Variants in OGDH observed in about 807,000 individuals in gnomAD.
OGDH encodes the protein 2-oxoglutarate dehydrogenase complex component E1.
Under a neutral mutation model 116.6 loss-of-function variants are expected in OGDH, and 38 were observed. The observed-to-expected ratio is 0.33, with a 90% CI of 0.25 to 0.43. The LOEUF is 0.43. OGDH is among the 20% of genes least tolerant of loss of function. The pLI is 1.00. For synonymous variants in OGDH, 488 were observed against 533.3 expected (o/e 0.92, Z 1.17); for missense variants, 825 against 1,357.2 (o/e 0.61, Z 6.16).
At chr7:44,626,308 CACACACACACACACACACACACACCCCT>C (rs1342622001) in intron 2 of OGDH, among the ~76,000 whole-genome samples, 126 of 104,680 alleles carry the variant, frequency 1.2e-3, no homozygotes, top group African/African-American at 5.4e-3. Flanking sequence ...CACACCCCTA[CACACACACACACACACACACACACCCCT>C]ACACACACAC....
At chr7:44,647,600 T>A in intron 3 of OGDH, 57 bp from the exon 4 acceptor site, 2 of 1,592,024 alleles carry the variant, frequency 1.3e-6, no homozygotes, top group Non-Finnish European at 1.7e-6. Context: ...CTTCCCTCTT[T>A]TTTTTTCTTC....
intron 2 of OGDH, among the ~76,000 whole-genome samples, chr7:44,634,300 A>G (rs1433723790): frequency 6.6e-6 from 1 of 152,182 alleles, no homozygotes; most frequent in Non-Finnish European, 1.5e-5. Flanking sequence ...CCACGCCATT[A>G]CCTTGGTTAG....
At chr7:44,608,853 A>G (rs1275386287) in intron 1 of OGDH, among the ~76,000 whole-genome samples, 1 of 152,216 alleles carries the variant, frequency 6.6e-6, no homozygotes, top group East Asian at 1.9e-4. Context: ...GTACATAAAA[A>G]TTTATTCTAT....
At chr7:44,614,663 G>A (rs1784699837) in intron 1 of OGDH, among the ~76,000 whole-genome samples, 1 of 151,708 alleles carries the variant, frequency 6.6e-6, no homozygotes, top group Non-Finnish European at 1.5e-5. Flanking sequence ...TCTTCTCTTT[G>A]CTGAAACTTT....
rs368292241 is a variant in OGDH at position 44,625,259 on chromosome 7, G to A, written c.222+694G>A. On this transcript the variant is annotated intron_variant, in intron 2 of 22. Transcript: ENST00000222673. ...TATGCCTCAGCCTCCCGAGTAACTG[G>A]GACTACAGGTGCACGTCACCACGCC... Among the ~76,000 whole-genome samples the A allele has an allele frequency of 2.5e-4, 38 of 152,118 alleles. No individual in the cohort carries two copies. The East Asian group carries it at 3.7e-3, about 15-fold the overall frequency.
intron 2 of OGDH, 96 bp downstream of exon 2, chr7:44,624,661 G>A (rs1006541655): frequency 1.5e-5 from 16 of 1,043,292 alleles, no homozygotes; most frequent in East Asian, 2.4e-5. Flanking sequence ...AGGAGTCAGC[G>A]GGCAGACAGG....
intron 5 of OGDH, among the ~76,000 whole-genome samples, chr7:44,673,217 A>AT (rs1369884050): frequency 7.2e-5 from 11 of 152,124 alleles, no homozygotes; most frequent in African/African-American, 2.4e-4. Flanking sequence ...AATTCAAAAC[A>AT]TGAGGCAAGA....
At chr7:44,635,168 T>C (rs938982961) in intron 2 of OGDH, among the ~76,000 whole-genome samples, 1 of 152,138 alleles carries the variant, frequency 6.6e-6, no homozygotes, top group Non-Finnish European at 1.5e-5. Flanking sequence ...CCGGCTGAAC[T>C]CCAGGCTGGC....
chr7:44,707,165 A>G lies in OGDH; in HGVS notation c.2633-60A>G. On this transcript the variant is annotated intron_variant, in intron 20 of 22. Coordinates refer to ENST00000222673, the MANE Select transcript of OGDH (RefSeq NM_002541.4). The surrounding 1 kb of genome is among the most constrained non-coding windows in gnomAD (Gnocchi z 5.2). ...CAGTCCCTGGCACAGCCCTGGGCCC[A>G]GGAGAGCTCTCAGCCACATACCTGA... The G allele has an allele frequency of 6.3e-7, 1 of 1,582,758 alleles. No individual in the cohort carries two copies. Among genetic ancestry groups the G allele is most frequent in the East Asian group, 2.2e-5 (1 of 44,774 alleles).
intron 2 of OGDH, among the ~76,000 whole-genome samples, chr7:44,640,007 G>A (rs1167646291): frequency 6.6e-6 from 1 of 152,174 alleles, no homozygotes; most frequent in Non-Finnish European, 1.5e-5. Context: ...ACAAAAGAAG[G>A]TCAGAGAGTG....
intron 4 of OGDH, chr7:44,656,338 C>A: frequency 6.5e-7 from 1 of 1,535,978 alleles, no homozygotes; most frequent in Non-Finnish European, 8.7e-7. Flanking sequence ...TTTCAAGGAA[C>A]GACTTCGAAT....
intron 1 of OGDH, among the ~76,000 whole-genome samples, chr7:44,606,859 T>G (rs2117183827): frequency 1.3e-5 from 2 of 152,062 alleles, no homozygotes; most frequent in Middle Eastern, 3.4e-3. Context: ...TGGCAGCCAA[T>G]GGAGCCGCGG....
At chr7:44,649,557 G>A (rs914982063) in intron 4 of OGDH, among the ~76,000 whole-genome samples, 16 of 152,106 alleles carry the variant, frequency 1.1e-4, no homozygotes, top group African/African-American at 3.1e-4. Flanking sequence ...AACAGGAGAG[G>A]AGCAGATGAA....
intron 5 of OGDH, among the ~76,000 whole-genome samples, chr7:44,667,542 C>G (rs1354195506): frequency 1.3e-5 from 2 of 152,126 alleles, no homozygotes; most frequent in African/African-American, 2.4e-5. Flanking sequence ...TTCCTTCTCT[C>G]TGGACTCTGT....
chr7:44,617,243 T>C (rs1258233414), intron 1 of OGDH, among the ~76,000 whole-genome samples: 2 of 151,940 alleles, frequency 1.3e-5, no homozygotes, highest in African/African-American at 2.4e-5. Context: ...ATTTCTTTAG[T>C]CATAGATATA....
At chr7:44,678,850 A>AT (rs1389915012) in intron 9 of OGDH, among the ~76,000 whole-genome samples, 1 of 152,176 alleles carries the variant, frequency 6.6e-6, no homozygotes, top group Non-Finnish European at 1.5e-5. Context: ...AACTCTCAGC[A>AT]TTTTTCGTGA....
chr7:44,677,714 C>CA (rs1231176513), intron 9 of OGDH, among the ~76,000 whole-genome samples: 9 of 147,380 alleles, frequency 6.1e-5, no homozygotes, highest in South Asian at 2.1e-4. Flanking sequence ...ACTAAAAATA[C>CA]AAAAAAAAAA....
chr7:44,676,297 T>C, intron 9 of OGDH, 148 bp downstream of exon 9: 2 of 1,515,202 alleles, frequency 1.3e-6, no homozygotes, highest in South Asian at 1.2e-5. Context: ...GTCTCACGCC[T>C]GTAATCCCAG....
chr7:44,707,472 G>A lies in OGDH; in HGVS notation c.2796+84G>A. The A allele has an allele frequency of 6.3e-7, 1 of 1,595,236 alleles. No homozygotes were observed. Among genetic ancestry groups the A allele is most frequent in the Admixed American group, 1.7e-5 (1 of 58,648 alleles). ...TTCACAGAACAGCCTTGCTTGGGGT[G>A]TGGCCCTCAGGTTCCTGACCTTCCC... On this transcript the variant is annotated intron_variant, in intron 21 of 22. Transcript: ENST00000222673. This position sits in a 1 kb window ranked among gnomAD's most constrained non-coding sequence, Gnocchi z 5.2.
Sources: allele counts gnomAD v4.1 joint callset (sites outside exome capture counted in the v4.1 genomes callset), GRCh38; gene constraint gnomAD v4.1.1; non-coding constraint Gnocchi (gnomAD v3.1); transcripts MANE v1.5; gene names NCBI Gene and HGNC (gene_info 2026-07-23, HGNC 2026-07-21).